The following CNTNAP2 variants were observed in gnomAD, a reference collection of about 807,000 sequenced individuals.
CNTNAP2 encodes the protein contactin associated protein 2, also known as contactin-associated protein-like 2.
Under a neutral mutation model 155.2 loss-of-function variants are expected in CNTNAP2, and 98 were observed. The observed-to-expected ratio is 0.63, with a 90% CI of 0.54 to 0.75. CNTNAP2 has a LOEUF of 0.75. CNTNAP2 is among the 30% of genes least tolerant of loss of function. The pLI is 0.00. For missense variants in CNTNAP2, 1,727 were observed against 1,688.1 expected (o/e 1.02, Z -0.40); for synonymous variants, 651 against 631.2 (o/e 1.03, Z -0.47).
intron 1 of CNTNAP2, among the ~76,000 whole-genome samples, chr7:146,735,428 G>C (rs1451214473): frequency 1.3e-5 from 2 of 152,006 alleles, no homozygotes; most frequent in Non-Finnish European, 2.9e-5. Flanking sequence ...TGTGGCGGGG[G>C]CCTGTAGTCC....
At chr7:146,754,196 GT>G (rs1258806752) in intron 1 of CNTNAP2, among the ~76,000 whole-genome samples, 1 of 151,936 alleles carries the variant, frequency 6.6e-6, no homozygotes, top group African/African-American at 2.4e-5. Context: ...TTCTCAGAAG[GT>G]ATACTCAAAT....
chr7:147,716,796 C>T lies in CNTNAP2; in HGVS notation c.2098+77490C>T, dbSNP rs148271393. Among the ~76,000 whole-genome samples the T allele has an allele frequency of 5.9e-3, 897 of 152,152 alleles. 9 individuals are homozygous for T. Among genetic ancestry groups the T allele is most frequent in the African/African-American group, 0.019 (795 of 41,528 alleles). ...GGACTCTGTTGCCCTCACTATCTGC[C>T]GAAATAATTTCTTTCTACATTCTGT... On this transcript the variant is annotated intron_variant, in intron 13 of 23. Coordinates refer to ENST00000361727, the MANE Select transcript of CNTNAP2 (RefSeq NM_014141.6).
chr7:146,926,058 C>A (rs143097914), intron 3 of CNTNAP2, among the ~76,000 whole-genome samples: 3 of 152,192 alleles, frequency 2.0e-5, no homozygotes, highest in South Asian at 2.1e-4. Flanking sequence ...AAGCCTCTAG[C>A]CTTGATTGGA....
chr7:147,239,851 G>A (rs985033330), intron 8 of CNTNAP2, among the ~76,000 whole-genome samples: 3 of 152,060 alleles, frequency 2.0e-5, no homozygotes, highest in Non-Finnish European at 2.9e-5. Flanking sequence ...GTCAAGTGGC[G>A]ATATGAATAT....
At chr7:147,980,022 T>C (rs1301762483) in intron 15 of CNTNAP2, among the ~76,000 whole-genome samples, 1 of 152,178 alleles carries the variant, frequency 6.6e-6, no homozygotes, top group Non-Finnish European at 1.5e-5. Context: ...TATTAGCTTA[T>C]TTGTTCTTAA....
At chr7:147,554,142 T>C (rs1799905895) in intron 11 of CNTNAP2, among the ~76,000 whole-genome samples, 1 of 152,200 alleles carries the variant, frequency 6.6e-6, no homozygotes, top group Non-Finnish European at 1.5e-5. Flanking sequence ...TTGGATTTTG[T>C]AGGCTTTCTC....
intron 3 of CNTNAP2, among the ~76,000 whole-genome samples, chr7:146,905,840 G>C (rs564069152): frequency 8.5e-5 from 13 of 152,224 alleles, no homozygotes; most frequent in Non-Finnish European, 1.5e-4. Context: ...AGCTCCCAGC[G>C]TGAGCGATGC....
intron 13 of CNTNAP2, among the ~76,000 whole-genome samples, chr7:147,756,755 T>C (rs1433508859): frequency 6.6e-6 from 1 of 152,228 alleles, no homozygotes; most frequent in Non-Finnish European, 1.5e-5. Context: ...CAGGAAATCA[T>C]TTTCTAGAAA....
chr7:146,921,739 T>TG (rs1796504019), intron 3 of CNTNAP2, among the ~76,000 whole-genome samples: 1 of 152,076 alleles, frequency 6.6e-6, no homozygotes, highest in African/African-American at 2.4e-5. Context: ...AGATTTGGGG[T>TG]GGGGACACAG....
chr7:147,071,037 T>C (rs896422646), intron 4 of CNTNAP2, among the ~76,000 whole-genome samples: 5 of 152,118 alleles, frequency 3.3e-5, no homozygotes, highest in African/African-American at 1.2e-4. Context: ...TGTATCCCTC[T>C]GTGTCTTCAA....
intron 11 of CNTNAP2, among the ~76,000 whole-genome samples, chr7:147,559,608 T>C (rs1373795618): frequency 3.9e-5 from 6 of 152,116 alleles, no homozygotes; most frequent in Non-Finnish European, 8.8e-5. Context: ...CAATGATTTA[T>C]TACTAAATAT....
In CNTNAP2 at chr7:147,094,641, C is replaced by T. The variant is rs186222530; in HGVS notation, c.551-13506C>T. ...CAGTATGATCTCTATCTCCTGACCT[C>T]GTGATCCGCCTGTCTCGGCCTCCGA... is the stretch of plus-strand genomic sequence containing the variant. On this transcript the variant is annotated intron_variant, in intron 4 of 23. Coordinates refer to ENST00000361727, the MANE Select transcript of CNTNAP2 (RefSeq NM_014141.6). 2.5e-4 allele frequency among the ~76,000 whole-genome samples: 38 copies of T among 151,934 alleles called. No individual in the cohort carries two copies. In the East Asian group the frequency reaches 4.7e-3, roughly 19 times the overall value.
At chr7:146,154,368 GT>G (rs1484773900) in intron 1 of CNTNAP2, among the ~76,000 whole-genome samples, 1 of 152,096 alleles carries the variant, frequency 6.6e-6, no homozygotes, top group African/African-American at 2.4e-5. Flanking sequence ...GCTATACAGT[GT>G]TTTTTAATAT....
chr7:146,808,604 A>G lies in CNTNAP2; in HGVS notation c.209-31107A>G, dbSNP rs192473376. On this transcript the variant is annotated intron_variant, in intron 2 of 23. Transcript: ENST00000361727. ...GATATTTGTATGTACGTTTGCAAGG[A>G]TTATCAAAATCAAGTTAATACATTC... Among the ~76,000 whole-genome samples, 3 of 152,340 alleles carry G rather than the reference A, an allele frequency of 2.0e-5. No individual in the cohort carries two copies. In the East Asian group the frequency reaches 5.8e-4, roughly 29 times the overall value.
intron 1 of CNTNAP2, among the ~76,000 whole-genome samples, chr7:146,714,761 T>A (rs142268541): frequency 1.3e-5 from 2 of 152,138 alleles, no homozygotes; most frequent in Admixed American, 1.3e-4. Context: ...GATAAACAGA[T>A]ACTTGATGGC....
In CNTNAP2 at chr7:146,617,419, A is replaced by G. The variant is rs148551106; in HGVS notation, c.98-156852A>G. On this transcript the variant is annotated intron_variant, in intron 1 of 23. Transcript: ENST00000361727. ...TCAAATTCTCAGACTGTTATTTGAA[A>G]CATTTTAAGAAATGCTGAATTGTAC... Among the ~76,000 whole-genome samples, 420 of 152,354 alleles carry G rather than the reference A, an allele frequency of 2.8e-3. 3 individuals are homozygous for G. The highest frequency in any genetic ancestry group is 9.5e-3 in the African/African-American group (394 of 41,586).
chr7:147,098,978 C>T (rs1216428934), intron 4 of CNTNAP2, among the ~76,000 whole-genome samples: 3 of 152,080 alleles, frequency 2.0e-5, no homozygotes, highest in Non-Finnish European at 4.4e-5. Flanking sequence ...GGCCATCCCA[C>T]AGGGTGTAGA....
chr7:148,048,848 T>A (rs1367446126), intron 15 of CNTNAP2, among the ~76,000 whole-genome samples: 1 of 152,170 alleles, frequency 6.6e-6, no homozygotes. Flanking sequence ...GGCCAGGACC[T>A]GAGAAATAAA....
chr7:146,369,862 A>G (rs1397791233), intron 1 of CNTNAP2, among the ~76,000 whole-genome samples: 1 of 152,162 alleles, frequency 6.6e-6, no homozygotes, highest in East Asian at 1.9e-4. Flanking sequence ...TTTGACATAC[A>G]CAAATGGCTC....
Sources: allele counts gnomAD v4.1 joint callset (sites outside exome capture counted in the v4.1 genomes callset), GRCh38; gene constraint gnomAD v4.1.1; transcripts MANE v1.5; gene names NCBI Gene and HGNC (gene_info 2026-07-23, HGNC 2026-07-21).